RARB: variants seen among roughly 807,000 people sequenced by gnomAD.
RARB encodes the protein HBV-activated protein.
In RARB, 17 loss-of-function variants were observed where a neutral mutation model predicts 51.9. That is an observed-to-expected ratio of 0.33 (90% CI 0.22 to 0.49). RARB has a LOEUF of 0.49. Ranked by LOEUF, RARB falls within the 20% of genes least tolerant of loss-of-function variation. The probability of loss-of-function intolerance (pLI) is 0.99; values close to 1 mark genes in which losing one functional copy is unlikely to be tolerated. For missense variants in RARB, 369 were observed against 550.8 expected (o/e 0.67, Z 3.30); for synonymous variants, 215 against 195.4 (o/e 1.10, Z -0.84).
chr3:25,523,374 C>A (rs1235832184), intron 3 of RARB, among the ~76,000 whole-genome samples: 1 of 152,166 alleles, frequency 6.6e-6, no homozygotes, highest in Non-Finnish European at 1.5e-5. Flanking sequence ...TGAATTATCA[C>A]CTCCAGGTAG....
chr3:24,855,777 A>C (rs9832148), intron 1 of RARB, among the ~76,000 whole-genome samples: 2 of 140,952 alleles, frequency 1.4e-5, no homozygotes, highest in African/African-American at 2.7e-5. Context: ...AGACAGAGTC[A>C]CTCTCTGTCG....
At position 24,922,636 on chromosome 3, in the gene RARB, G is replaced by A. The variant is rs909875330; in HGVS notation, c.-380+63884G>A. Among the ~76,000 whole-genome samples the A allele has an allele frequency of 3.3e-5, 5 of 152,140 alleles. No homozygotes were observed. The East Asian group carries it at 7.7e-4, about 24-fold the overall frequency. ...ATGCTCTTAACCTCTAAATTATACTGCCTCATGGGTGGTAGAAAAAAGAGA... is the reference window on the plus strand; with the variant it reads ...ATGCTCTTAACCTCTAAATTATACTACCTCATGGGTGGTAGAAAAAAGAGA... On this transcript the variant is annotated intron_variant, in intron 2 of 11. Transcript: ENST00000383772.
chr3:25,130,010 A>G (rs1250338982), intron 3 of RARB, among the ~76,000 whole-genome samples: 2 of 152,116 alleles, frequency 1.3e-5, no homozygotes, highest in African/African-American at 2.4e-5. Flanking sequence ...AGCGTGGAGT[A>G]TCTTTAGGAA....
chr3:25,420,838 G>T (rs943001228), intron 5 of RARB, among the ~76,000 whole-genome samples: 1 of 151,942 alleles, frequency 6.6e-6, no homozygotes, highest in Non-Finnish European at 1.5e-5. Flanking sequence ...GTAGAAGAAC[G>T]GGTAGGTGAA....
chr3:25,130,915 T>TTATCAATATTTATCATTGATAA (rs1217349420), intron 3 of RARB, among the ~76,000 whole-genome samples: 14 of 23,130 alleles, frequency 6.1e-4, no homozygotes, highest in African/African-American at 1.1e-3. Context: ...ATTGATAATA[T>TTATCAATATTTATCATTGATAA]TATCAATATT....
At chr3:25,469,655 C>T (rs1695597465) in intron 2 of RARB, among the ~76,000 whole-genome samples, 1 of 152,164 alleles carries the variant, frequency 6.6e-6, no homozygotes, top group South Asian at 2.1e-4. Flanking sequence ...CTCATTCATT[C>T]ATCAGACATT....
chr3:24,900,803 G>T (rs989100539), intron 2 of RARB, among the ~76,000 whole-genome samples: 1 of 152,124 alleles, frequency 6.6e-6, no homozygotes, highest in Non-Finnish European at 1.5e-5. Flanking sequence ...GTGATACCAC[G>T]AAAGTGATGT....
intron 2 of RARB, among the ~76,000 whole-genome samples, chr3:24,946,564 A>G (rs1423609855): frequency 6.6e-6 from 1 of 152,018 alleles, no homozygotes; most frequent in Non-Finnish European, 1.5e-5. Context: ...CTAAAAAATG[A>G]TACATTAATA....
chr3:24,903,282 A>C (rs2125373280), intron 2 of RARB, among the ~76,000 whole-genome samples: 1 of 152,278 alleles, frequency 6.6e-6, no homozygotes, highest in East Asian at 1.9e-4. Flanking sequence ...TAAAAATATG[A>C]CATTAAGACA....
At chr3:25,033,959 GTC>G (rs749223709) in intron 2 of RARB, among the ~76,000 whole-genome samples, 1 of 152,158 alleles carries the variant, frequency 6.6e-6, no homozygotes, top group Non-Finnish European at 1.5e-5. Context: ...TAAAATGTAT[GTC>G]TCTACTAAAA....
rs201388141 is a variant in RARB at position 25,040,793 on chromosome 3, T to C, written c.-379-19332T>C. The stretch of plus-strand genomic sequence containing the variant: ...CAACCAAACTTTGTAGAACATTTTA[T>C]GTTAATTACAAAGCGTTTTCCTTAG... On this transcript the variant is annotated intron_variant, in intron 2 of 11. Transcript: ENST00000383772. Among the ~76,000 whole-genome samples the C allele has an allele frequency of 3.3e-5, 5 of 152,296 alleles. No homozygotes were observed. In the South Asian group the frequency reaches 6.2e-4, roughly 19 times the overall value.
At chr3:25,178,478 T>C (rs1700799764) in intron 5 of RARB, among the ~76,000 whole-genome samples, 1 of 151,572 alleles carries the variant, frequency 6.6e-6, no homozygotes, top group South Asian at 2.1e-4. Context: ...TTAGAGAGAG[T>C]AAAGAGCTTA....
intron 5 of RARB, among the ~76,000 whole-genome samples, chr3:25,234,953 C>A (rs919952686): frequency 2.1e-4 from 32 of 152,196 alleles, no homozygotes; most frequent in African/African-American, 7.7e-4. Flanking sequence ...ATTCTTAGAG[C>A]AGGACTTGGG....
chr3:25,022,833 G>T (rs936953717), intron 2 of RARB, among the ~76,000 whole-genome samples: 4 of 152,158 alleles, frequency 2.6e-5, no homozygotes, highest in African/African-American at 9.7e-5. Flanking sequence ...GGTGAAGGGA[G>T]CTAGGGTGGC....
chr3:24,998,277 G>GTTTT (rs71622792), intron 2 of RARB, among the ~76,000 whole-genome samples: 1 of 140,478 alleles, frequency 7.1e-6, no homozygotes. Context: ...CTTGTAGTTT[G>GTTTT]TTTTTTTTTT....
chr3:25,121,084 G>A (rs1279803964), intron 3 of RARB, among the ~76,000 whole-genome samples: 1 of 152,162 alleles, frequency 6.6e-6, no homozygotes, highest in East Asian at 1.9e-4. Flanking sequence ...ACATGCATGT[G>A]TATAAAGTGG....
intron 2 of RARB, among the ~76,000 whole-genome samples, chr3:24,905,608 G>C (rs1694846071): frequency 6.6e-6 from 1 of 152,190 alleles, no homozygotes; most frequent in South Asian, 2.1e-4. Flanking sequence ...GATAGTTTGA[G>C]ATTGTAAGCA....
chr3:25,337,406 AG>A (rs1233750416), intron 5 of RARB, among the ~76,000 whole-genome samples: 4 of 152,188 alleles, frequency 2.6e-5, no homozygotes, highest in Admixed American at 2.6e-4. Flanking sequence ...TTATTTGAAA[AG>A]TTCCCTCAAT....
chr3:24,847,331 G>A (rs73045692), intron 1 of RARB, among the ~76,000 whole-genome samples: 46,576 of 152,062 alleles, frequency 0.31, 8,406 homozygotes, highest in Middle Eastern at 0.43. Flanking sequence ...TCTTGTTTCC[G>A]CTCAGTTTCA....
Sources: allele counts gnomAD v4.1 joint callset (sites outside exome capture counted in the v4.1 genomes callset), GRCh38; gene constraint gnomAD v4.1.1; transcripts MANE v1.5; gene names NCBI Gene and HGNC (gene_info 2026-07-23, HGNC 2026-07-21).